SLC6A19: variants seen among roughly 807,000 people sequenced by gnomAD.
SLC6A19 encodes solute carrier family 6 member 19.
SLC6A19 carries 67 observed loss-of-function variants against 68.3 expected under a neutral mutation model. That is an observed-to-expected ratio of 0.98 (90% CI 0.81 to 1.20). SLC6A19 has a LOEUF of 1.20. SLC6A19 is among the 50% of genes most tolerant of loss of function. The probability of loss-of-function intolerance (pLI) is 0.00; values close to 1 mark genes in which losing one functional copy is unlikely to be tolerated. For synonymous variants in SLC6A19, 392 were observed against 374.9 expected (o/e 1.05, Z -0.53); for missense variants, 813 against 851.6 (o/e 0.95, Z 0.56).
chr5:1,217,364 C>T (rs376359520), intron 8 of SLC6A19, among the ~76,000 whole-genome samples: 2 of 152,366 alleles, frequency 1.3e-5, no homozygotes, highest in African/African-American at 4.8e-5. Flanking sequence ...GCGGGCGAGG[C>T]TCAGCCACGC....
At chr5:1,213,794 GC>G (rs897009209) in intron 5 of SLC6A19, among the ~76,000 whole-genome samples, 158 bp from the exon 6 acceptor site, 4 of 152,032 alleles carry the variant, frequency 2.6e-5, no homozygotes, top group Admixed American at 2.0e-4. Context: ...AGCCGACGGA[GC>G]CCCCACAGGG....
Position 1,215,831 on chromosome 5 carries a change from A to G in SLC6A19, c.888-727A>G, listed in dbSNP as rs560833245. ...TCAGGCTGTTTTCCACGGTGGCTGCACCACTCACGTTCCCACCAGCGTGCA... is the reference window on the plus strand; with the variant it reads ...TCAGGCTGTTTTCCACGGTGGCTGCGCCACTCACGTTCCCACCAGCGTGCA... On this transcript the variant is annotated intron_variant, in intron 6 of 11. Coordinates refer to ENST00000304460, the MANE Select transcript of SLC6A19 (RefSeq NM_001003841.3). The surrounding 1 kb of genome is among the most constrained non-coding windows in gnomAD (Gnocchi z 5.1). Among the ~76,000 whole-genome samples, 2 of 152,258 alleles carry G rather than the reference A, an allele frequency of 1.3e-5. No homozygotes were observed. Among genetic ancestry groups the G allele is most frequent in the South Asian group, 2.1e-4 (1 of 4,816 alleles).
intron 3 of SLC6A19, among the ~76,000 whole-genome samples, chr5:1,211,107 C>G (rs995283733): frequency 6.6e-6 from 1 of 152,190 alleles, no homozygotes; most frequent in Admixed American, 6.5e-5. Context: ...GGGGCCTGAA[C>G]GGCTTGGTCA....
intron 9 of SLC6A19, 146 bp from the exon 10 acceptor site, chr5:1,219,359 T>C (rs1032248108): frequency 5.5e-6 from 7 of 1,264,700 alleles, no homozygotes; most frequent in South Asian, 1.3e-5. Flanking sequence ...TGAGCAGCTC[T>C]GTCCCCGGCA....
At chr5:1,204,004 G>C (rs146111074) in intron 1 of SLC6A19, among the ~76,000 whole-genome samples, 2 of 152,144 alleles carry the variant, frequency 1.3e-5, no homozygotes, top group African/African-American at 4.8e-5. Flanking sequence ...GGCAGGCTGC[G>C]TCCCTGGGAG....
At chr5:1,207,391 G>A (rs893149792) in intron 1 of SLC6A19, among the ~76,000 whole-genome samples, 2 of 152,172 alleles carry the variant, frequency 1.3e-5, no homozygotes, top group Admixed American at 6.5e-5. Context: ...CCGCTTGGCC[G>A]GGCGAGTGGA....
chr5:1,213,583 C>T lies in SLC6A19; in HGVS notation c.774+10C>T, dbSNP rs372657226. 109 of 1,610,072 alleles carry T rather than the reference C, an allele frequency of 6.8e-5. No individual in the cohort carries two copies. Among genetic ancestry groups the T allele is most frequent in the East Asian group, 2.5e-4 (11 of 44,702 alleles). On this transcript the variant is annotated intron_variant, in intron 5 of 11. Transcript: ENST00000304460. Reference sequence around the variant, plus strand: ...CCTCTTCACGCCCAACGTAAGTCCCCGAGGCTGCCCTGGGCCCAGACCCCG... The same window carrying T: ...CCTCTTCACGCCCAACGTAAGTCCCTGAGGCTGCCCTGGGCCCAGACCCCG...
chr5:1,219,432 G>A, intron 9 of SLC6A19, 73 bp from the exon 10 acceptor site: 1 of 1,589,802 alleles, frequency 6.3e-7, no homozygotes. Flanking sequence ...GCCCCCAGTT[G>A]TGTGAACAGC....
rs762309384 is a variant in SLC6A19, at chr5:1,201,807, G to T, written c.157G>T (p.Gly53Cys). The change falls in exon 1 of 12, where the codon GGC (glycine) becomes TGC (cysteine). Residue 53 changes from glycine (G) to cysteine (C), a missense_variant. Coordinates refer to ENST00000304460, the MANE Select transcript of SLC6A19 (RefSeq NM_001003841.3). ...LTCLGFCVGL[G>C]NVWRFPYLCQ... ...CTGCCTGGGCTTCTGCGTGGGCCTC[G>T]GCAACGTGTGGCGCTTCCCCTACCT... 6.2e-7 allele frequency: 1 copy of T among 1,612,346 alleles called. No individual in the cohort carries two copies. The highest frequency in any genetic ancestry group is 8.5e-7 in the Non-Finnish European group (1 of 1,179,868).
chr5:1,219,155 G>A (rs986065202), intron 9 of SLC6A19, 48 bp downstream of exon 9: 4 of 1,550,954 alleles, frequency 2.6e-6, no homozygotes, highest in African/African-American at 2.7e-5. Context: ...TGCCACCTGT[G>A]GGATGGCAGC....
At position 1,204,557 on chromosome 5, in the gene SLC6A19, G is replaced by A. The variant is rs185111438; in HGVS notation, c.202+2705G>A. 5.0e-3 allele frequency among the ~76,000 whole-genome samples: 766 copies of A among 152,294 alleles called. 9 individuals are homozygous for A. The highest frequency in any genetic ancestry group is 0.017 in the African/African-American group (713 of 41,574). ...GGCAGGGCCCCGCAGTGCCGGTGGCGCAGGCGGAGACGCATTCATGCCCAC... is the reference window on the plus strand; with the variant it reads ...GGCAGGGCCCCGCAGTGCCGGTGGCACAGGCGGAGACGCATTCATGCCCAC... On this transcript the variant is annotated intron_variant, in intron 1 of 11. Transcript: ENST00000304460.
intron 1 of SLC6A19, among the ~76,000 whole-genome samples, chr5:1,203,298 C>T (rs113840500): frequency 1.5e-3 from 229 of 152,292 alleles, no homozygotes; most frequent in African/African-American, 5.2e-3. Context: ...AGATAGTCCC[C>T]GCTCTGACAC....
At chr5:1,217,348 G>A (rs1334103873) in intron 8 of SLC6A19, among the ~76,000 whole-genome samples, 1 of 152,244 alleles carries the variant, frequency 6.6e-6, no homozygotes, top group Non-Finnish European at 1.5e-5. Flanking sequence ...GTTTTATTTT[G>A]GACTGGCGGG....
chr5:1,217,353 G>A (rs1746238665), intron 8 of SLC6A19, among the ~76,000 whole-genome samples: 1 of 152,272 alleles, frequency 6.6e-6, no homozygotes, highest in East Asian at 1.9e-4. Flanking sequence ...ATTTTGGACT[G>A]GCGGGCGAGG....
In SLC6A19 at chr5:1,223,422, CCAGAAGCT is replaced by C. The variant is rs1746449563; in HGVS notation, c.*1519_*1526del. ...GGCACCTTGGAGGACCGTGCAGCCC[CCAGAAGCT>C]TCCAGCTCCCGCACCACTCAGTGAA... On this transcript the variant is annotated 3_prime_UTR_variant, in exon 12 of 12. Coordinates refer to ENST00000304460, the MANE Select transcript of SLC6A19 (RefSeq NM_001003841.3). 1 of 152,364 alleles carries C rather than the reference CCAGAAGCT, an allele frequency of 6.6e-6. No individual in the cohort carries two copies. Among genetic ancestry groups the C allele is most frequent in the African/African-American group, 2.4e-5 (1 of 41,474 alleles). The allele number at this position is 152,364 out of a possible 1,614,324, so 9.4% of individuals were successfully genotyped here. A position where few individuals can be genotyped will look rare whatever the true frequency, so the allele number is the denominator to read the frequency against.
At position 1,221,297 on chromosome 5, in the gene SLC6A19, T is replaced by A. The variant is rs1183087569; in HGVS notation, c.1685T>A (p.Ile562Asn). The change falls in exon 11 of 12, where the codon ATC becomes AAC. Residue 562 changes from isoleucine to asparagine, a missense_variant. Coordinates refer to ENST00000304460, the MANE Select transcript of SLC6A19 (RefSeq NM_001003841.3). ...GTCAGTCAGGAGCTGACCTACAGCA[T>A]CTGGGACCCTGGCTACGTAAGTGTC... Reference protein sequence around the residue: ...VEVSQELTYSIWDPGYEEFPK... With the variant: ...VEVSQELTYSNWDPGYEEFPK... The A allele has an allele frequency of 9.3e-6, 15 of 1,613,782 alleles. No homozygotes were observed. Among genetic ancestry groups the A allele is most frequent in the Non-Finnish European group, 1.3e-5 (15 of 1,180,018 alleles).
chr5:1,213,495 C>G lies in SLC6A19; in HGVS notation c.696C>G (p.Val232=). The G allele has an allele frequency of 4.4e-6, 7 of 1,604,744 alleles. No individual in the cohort carries two copies. The highest frequency in any genetic ancestry group is 5.9e-6 in the Non-Finnish European group (7 of 1,176,762). ...ACATCACCTCCACGCTGCCCTATGT[C>G]GTCCTGACCATCTTCCTCATCCGAG... The part of the protein sequence containing the change: ...AVYITSTLPY[V]VLTIFLIRGL... The change falls in exon 5 of 12, where the codon GTC becomes GTG. Residue 232 remains valine, a synonymous_variant. Transcript: ENST00000304460.
intron 1 of SLC6A19, among the ~76,000 whole-genome samples, chr5:1,202,746 T>C (rs1195649913): frequency 6.6e-6 from 1 of 152,200 alleles, no homozygotes; most frequent in African/African-American, 2.4e-5. Flanking sequence ...CAGGGGGCCC[T>C]GTTCCTTCTC....
At chr5:1,203,347 G>A (rs945235845) in intron 1 of SLC6A19, among the ~76,000 whole-genome samples, 16 of 152,312 alleles carry the variant, frequency 1.1e-4, no homozygotes, top group Non-Finnish European at 1.0e-4. Flanking sequence ...GCCTGGGAGC[G>A]AGCAGCTTTC....
Sources: allele counts gnomAD v4.1 joint callset (sites outside exome capture counted in the v4.1 genomes callset), GRCh38; gene constraint gnomAD v4.1.1; non-coding constraint Gnocchi (gnomAD v3.1); transcripts MANE v1.5; gene names NCBI Gene and HGNC (gene_info 2026-07-23, HGNC 2026-07-21).